The following AMZ2 variants were observed in gnomAD, a reference collection of about 807,000 sequenced individuals.
The protein encoded by AMZ2 is archaemetzincin-2.
Under a neutral mutation model 36.7 loss-of-function variants are expected in AMZ2, and 26 were observed. The observed-to-expected ratio is 0.71, with a 90% CI of 0.52 to 0.98. The LOEUF (loss-of-function observed/expected upper bound fraction) is 0.98. Ranked by LOEUF, AMZ2 falls within the 50% of genes least tolerant of loss-of-function variation. AMZ2 has a pLI of 0.00. For missense variants in AMZ2, 394 were observed against 430.5 expected (o/e 0.92, Z 0.75); for synonymous variants, 144 against 149.1 (o/e 0.97, Z 0.25).
intron 1 of AMZ2, among the ~76,000 whole-genome samples, chr17:68,211,716 A>ATATATATGTATATG (rs1568339798): frequency 0.023 from 2,403 of 104,984 alleles, 176 homozygotes; most frequent in East Asian, 0.054. Flanking sequence ...ATGTATATGT[A>ATATATATGTATATG]TATATATGTA....
At chr17:68,253,599 A>T (rs1445230999) in intron 4 of AMZ2, among the ~76,000 whole-genome samples, 2 of 152,190 alleles carry the variant, frequency 1.3e-5, no homozygotes, top group African/African-American at 4.8e-5. Flanking sequence ...TTATTCTGTC[A>T]AAAGCCGTGG....
At chr17:68,238,374 T>A (rs2073833866) in intron 1 of AMZ2, among the ~76,000 whole-genome samples, 1 of 152,154 alleles carries the variant, frequency 6.6e-6, no homozygotes, top group African/African-American at 2.4e-5. Context: ...CCTCCCCTCA[T>A]TCGAACTTTC....
intron 1 of AMZ2, among the ~76,000 whole-genome samples, chr17:68,227,127 G>A (rs2073535479): frequency 6.6e-6 from 1 of 152,004 alleles, no homozygotes; most frequent in African/African-American, 2.4e-5. Flanking sequence ...TCATAGCTGG[G>A]GACAGAGTGG....
Position 68,255,874 on chromosome 17 carries a change from A to G in AMZ2, c.925A>G (p.Lys309Glu). 3 of 1,613,658 alleles carry G rather than the reference A, an allele frequency of 1.9e-6. No individual in the cohort carries two copies. The South Asian group carries it at 3.3e-5, about 18-fold the overall frequency. ...AVGFSIVERY[K>E]ALVRWIDDES... Reference sequence around the variant, plus strand: ...TGGCTTCAGCATTGTAGAAAGATACAAAGTAAGTTGGGGGGTGGACAGTCT... The same window carrying G: ...TGGCTTCAGCATTGTAGAAAGATACGAAGTAAGTTGGGGGGTGGACAGTCT... The change falls in exon 6 of 7, where the codon AAA (lysine) becomes GAA (glutamate). Residue 309 changes from lysine to glutamate, a missense_variant and splice_region_variant. Physicochemically the swap from Lys to Glu is moderately conservative, Grantham distance 56. Transcript: ENST00000359904.
Position 68,250,320 on chromosome 17 carries a change from A to G in AMZ2, c.133A>G (p.Ser45Gly), listed in dbSNP as rs1346847637. ...AATGAATGAAGCCTTCCAGCCAGCC[A>G]GTGATCTCTTTGGACCCATTACCTT... ...RLMNEAFQPA[S>G]DLFGPITLHS... is the part of the protein sequence containing the mutation. The change falls in exon 2 of 7, where the codon AGT (serine) becomes GGT (glycine). Residue 45 changes from serine (S) to glycine (G), a missense_variant. Transcript: ENST00000359904. 1 of 1,614,106 alleles carries G rather than the reference A, an allele frequency of 6.2e-7. No homozygotes were observed. The highest frequency in any genetic ancestry group is 8.5e-7 in the Non-Finnish European group (1 of 1,180,040).
At chr17:68,254,620 C>A (rs1568384718) in intron 5 of AMZ2, 53 bp downstream of exon 5, 4 of 1,442,724 alleles carry the variant, frequency 2.8e-6, no homozygotes, top group Non-Finnish European at 3.8e-6. Context: ...GATCTTAGTT[C>A]CGTAAACTGT....
At chr17:68,225,366 G>A (rs1335261913) in intron 1 of AMZ2, among the ~76,000 whole-genome samples, 1 of 152,144 alleles carries the variant, frequency 6.6e-6, no homozygotes, top group Non-Finnish European at 1.5e-5. Context: ...AATAGGATCT[G>A]TAAGTAAAAT....
intron 1 of AMZ2, among the ~76,000 whole-genome samples, chr17:68,227,758 T>C (rs2073552347): frequency 6.6e-6 from 1 of 152,150 alleles, no homozygotes; most frequent in African/African-American, 2.4e-5. Context: ...TCCCAGTGCT[T>C]TGGGAGGCTG....
chr17:68,224,997 G>A (rs1350968087), intron 1 of AMZ2, among the ~76,000 whole-genome samples: 1 of 126,664 alleles, frequency 7.9e-6, no homozygotes, highest in Non-Finnish European at 1.6e-5. Context: ...GGCTACCATG[G>A]TGAAACCCCG....
chr17:68,215,082 A>G (rs1248420209), intron 1 of AMZ2, among the ~76,000 whole-genome samples: 1 of 152,198 alleles, frequency 6.6e-6, no homozygotes, highest in African/African-American at 2.4e-5. Flanking sequence ...CTGCGTCCAG[A>G]CTAACAATAT....
At chr17:68,236,868 C>G (rs1405232267) in intron 1 of AMZ2, among the ~76,000 whole-genome samples, 1 of 152,176 alleles carries the variant, frequency 6.6e-6, no homozygotes, top group Admixed American at 6.6e-5. Context: ...GCGTGAGCCA[C>G]CATGCCCGGC....
At chr17:68,252,853 T>G (rs1321550673) in intron 4 of AMZ2, among the ~76,000 whole-genome samples, 1 of 152,204 alleles carries the variant, frequency 6.6e-6, no homozygotes, top group Non-Finnish European at 1.5e-5. Flanking sequence ...CATATGTTCG[T>G]TTATCTAGAT....
intron 1 of AMZ2, among the ~76,000 whole-genome samples, chr17:68,210,905 C>T (rs549436033): frequency 3.7e-5 from 5 of 136,582 alleles, no homozygotes; most frequent in African/African-American, 9.0e-5. Context: ...GCTGTGTTTA[C>T]ACCATTGCAC....
chr17:68,243,862 C>T (rs1181936324), upstream of AMZ2, among the ~76,000 whole-genome samples: 1 of 152,150 alleles, frequency 6.6e-6, no homozygotes, highest in African/African-American at 2.4e-5. Flanking sequence ...AACTATATTT[C>T]ATGTTAATAA....
chr17:68,247,863 T>C (rs1157049986), upstream of AMZ2: 2 of 985,382 alleles, frequency 2.0e-6, no homozygotes, highest in African/African-American at 3.5e-5. Context: ...CGCTACCCTC[T>C]ATTCTGGAAG....
rs1293620243 is a variant in AMZ2 at position 68,235,865 on chromosome 17, G to A, written c.-66-12775G>A. ...TTTTTTTCGAGATAGTTTCTCACTTGGTCCACCAGGCTGGAATGCAGTGGC... is the reference window on the plus strand; with the variant it reads ...TTTTTTTCGAGATAGTTTCTCACTTAGTCCACCAGGCTGGAATGCAGTGGC... On this transcript the variant is annotated intron_variant, in intron 1 of 7. Transcript: ENST00000674770. This position sits in a 1 kb window ranked among gnomAD's most constrained non-coding sequence, Gnocchi z 4.2. Among the ~76,000 whole-genome samples, 1 of 151,016 alleles carries A rather than the reference G, an allele frequency of 6.6e-6. No homozygotes were observed. The highest frequency in any genetic ancestry group is 1.5e-5 in the Non-Finnish European group (1 of 67,790).
chr17:68,218,514 A>G (rs2073262023), intron 1 of AMZ2, among the ~76,000 whole-genome samples: 1 of 152,186 alleles, frequency 6.6e-6, no homozygotes, highest in Admixed American at 6.6e-5. Context: ...AAATCAATCT[A>G]TATTCTTTTC....
At chr17:68,236,463 G>C (rs1555732556) in intron 1 of AMZ2, among the ~76,000 whole-genome samples, 1 of 149,362 alleles carries the variant, frequency 6.7e-6, no homozygotes, top group East Asian at 2.0e-4. Flanking sequence ...AATAAAGCTA[G>C]TAAATGCTCA....
chr17:68,209,081 C>T (rs1413866679), intron 1 of AMZ2, among the ~76,000 whole-genome samples: 1 of 152,138 alleles, frequency 6.6e-6, no homozygotes, highest in Non-Finnish European at 1.5e-5. Flanking sequence ...AGAATCGTTG[C>T]CAGACTTGTC....
Sources: allele counts gnomAD v4.1 joint callset (sites outside exome capture counted in the v4.1 genomes callset), GRCh38; gene constraint gnomAD v4.1.1; non-coding constraint Gnocchi (gnomAD v3.1); transcripts MANE v1.5; gene names NCBI Gene and HGNC (gene_info 2026-07-23, HGNC 2026-07-21).